PLCB1: variants seen among roughly 807,000 people sequenced by gnomAD.
PLCB1 encodes 1-phosphatidylinositol 4,5-bisphosphate phosphodiesterase beta-1.
A neutral mutation model predicts 161.8 loss-of-function variants in PLCB1; 46 were observed. The ratio of observed to expected loss-of-function variants is 0.28; its 90% CI spans 0.22 to 0.36. PLCB1 has a LOEUF of 0.36. PLCB1 is among the 10% of genes least tolerant of loss of function. The pLI, the probability that PLCB1 is intolerant of heterozygous loss-of-function variation, is 1.00. For synonymous variants in PLCB1, 517 were observed against 503.7 expected (o/e 1.03, Z -0.35); for missense variants, 1,016 against 1,472.5 (o/e 0.69, Z 5.07).
chr20:8,162,343 C>G (rs2051634860), intron 2 of PLCB1, among the ~76,000 whole-genome samples: 1 of 152,150 alleles, frequency 6.6e-6, no homozygotes, highest in South Asian at 2.1e-4. Flanking sequence ...CCTTATATAA[C>G]TATTTTATTT....
At chr20:8,745,169 G>GA (rs1036419963) in intron 23 of PLCB1, among the ~76,000 whole-genome samples, 2 of 151,528 alleles carry the variant, frequency 1.3e-5, no homozygotes, top group Non-Finnish European at 2.9e-5. Context: ...ACAACTCAAG[G>GA]AAAAAAAATC....
At chr20:8,745,029 A>G (rs1981097448) in intron 23 of PLCB1, among the ~76,000 whole-genome samples, 1 of 152,170 alleles carries the variant, frequency 6.6e-6, no homozygotes, top group African/African-American at 2.4e-5. Context: ...TTTGGACAGT[A>G]TTTGGACATT....
At chr20:8,482,664 C>A (rs1294857999) in intron 3 of PLCB1, among the ~76,000 whole-genome samples, 1 of 152,124 alleles carries the variant, frequency 6.6e-6, no homozygotes, top group Non-Finnish European at 1.5e-5. Context: ...ATGCTACATG[C>A]AGTTCTCATT....
chr20:8,188,442 A>T (rs1338149818), intron 2 of PLCB1, among the ~76,000 whole-genome samples: 1 of 152,130 alleles, frequency 6.6e-6, no homozygotes, highest in Non-Finnish European at 1.5e-5. Flanking sequence ...AATAGAAAAA[A>T]AATTGGGGTT....
At chr20:8,497,250 GC>G (rs1983218025) in intron 3 of PLCB1, among the ~76,000 whole-genome samples, 1 of 152,114 alleles carries the variant, frequency 6.6e-6, no homozygotes, top group African/African-American at 2.4e-5. Flanking sequence ...TATATATGCT[GC>G]CTATATATAT....
chr20:8,141,209 CA>C (rs993941796), intron 1 of PLCB1, among the ~76,000 whole-genome samples: 24 of 152,314 alleles, frequency 1.6e-4, no homozygotes, highest in African/African-American at 5.5e-4. Flanking sequence ...TAGATCCCTG[CA>C]AACTCAGTTT....
intron 3 of PLCB1, among the ~76,000 whole-genome samples, chr20:8,501,495 G>C (rs919426093): frequency 2.0e-5 from 3 of 152,194 alleles, no homozygotes; most frequent in Non-Finnish European, 4.4e-5. Context: ...TCCCATGAGG[G>C]CTTGCTCAAC....
intron 14 of PLCB1, among the ~76,000 whole-genome samples, chr20:8,720,681 C>A (rs1979576170): frequency 6.6e-6 from 1 of 152,044 alleles, no homozygotes; most frequent in Non-Finnish European, 1.5e-5. Context: ...CAGGTTTCTG[C>A]TTTTTACAGT....
At chr20:8,724,144 C>T (rs899510512) in intron 15 of PLCB1, among the ~76,000 whole-genome samples, 1 of 143,880 alleles carries the variant, frequency 7.0e-6, no homozygotes, top group South Asian at 2.3e-4. Flanking sequence ...AAATAATCTG[C>T]ACAACAAACC....
At chr20:8,635,714 G>A (rs764840944) in intron 4 of PLCB1, among the ~76,000 whole-genome samples, 5 of 152,272 alleles carry the variant, frequency 3.3e-5, no homozygotes, top group African/African-American at 7.2e-5. Flanking sequence ...AAGATGTCAC[G>A]GAGAGGGGAA....
intron 3 of PLCB1, among the ~76,000 whole-genome samples, chr20:8,378,010 A>C (rs774755522): frequency 7.2e-5 from 11 of 152,182 alleles, no homozygotes; most frequent in Non-Finnish European, 1.5e-4. Flanking sequence ...CAGCATTTAG[A>C]CTTTGAGGAG....
intron 2 of PLCB1, among the ~76,000 whole-genome samples, chr20:8,346,806 T>C (rs1986013306): frequency 6.6e-6 from 1 of 152,204 alleles, no homozygotes; most frequent in Non-Finnish European, 1.5e-5. Flanking sequence ...GTAGGAGTTA[T>C]GTCTCTGGAA....
intron 2 of PLCB1, among the ~76,000 whole-genome samples, chr20:8,204,623 C>A (rs767613768): frequency 1.3e-5 from 2 of 152,014 alleles, no homozygotes; most frequent in Non-Finnish European, 2.9e-5. Context: ...TTTTGCTTTC[C>A]ACCATGATTG....
chr20:8,790,964 G>A (rs894252643), intron 31 of PLCB1, among the ~76,000 whole-genome samples: 4 of 151,938 alleles, frequency 2.6e-5, no homozygotes, highest in Admixed American at 6.6e-5. Context: ...ATTTTCCTGC[G>A]CTTCTATTTT....
intron 3 of PLCB1, among the ~76,000 whole-genome samples, chr20:8,379,218 T>A (rs991397734): frequency 3.3e-4 from 50 of 151,988 alleles, no homozygotes; most frequent in African/African-American, 1.1e-3. Context: ...TTTCTGTTCC[T>A]GTGTTAGTTT....
chr20:8,626,356 G>A (rs947957278), intron 3 of PLCB1, among the ~76,000 whole-genome samples: 5 of 151,888 alleles, frequency 3.3e-5, no homozygotes, highest in Non-Finnish European at 7.4e-5. Flanking sequence ...TACTTGCCTC[G>A]AGTTCCTTTA....
At chr20:8,432,399 T>C (rs937597580) in intron 3 of PLCB1, among the ~76,000 whole-genome samples, 1 of 152,206 alleles carries the variant, frequency 6.6e-6, no homozygotes, top group Non-Finnish European at 1.5e-5. Flanking sequence ...GGCTGTCTCA[T>C]CTCATTTTGT....
chr20:8,760,333 A>ATGTT (rs931163832), intron 24 of PLCB1, 74 bp from the exon 25 acceptor site: 8 of 859,194 alleles, frequency 9.3e-6, no homozygotes, highest in African/African-American at 8.6e-5. Flanking sequence ...AGGCCCAAAT[A>ATGTT]TGTTTGTTTG....
intron 3 of PLCB1, among the ~76,000 whole-genome samples, chr20:8,562,123 C>T (rs184598055): frequency 1.2e-3 from 188 of 152,106 alleles, no homozygotes; most frequent in Middle Eastern, 3.4e-3. Flanking sequence ...GAGGGGCTGC[C>T]TCAGTGGGAA....
Sources: gnomAD v4.1 joint callset for allele counts (sites outside exome capture counted in the v4.1 genomes callset) on GRCh38, gnomAD v4.1.1 for gene constraint, MANE v1.5 for transcripts, NCBI Gene and HGNC (gene_info 2026-07-23, HGNC 2026-07-21) for gene names.